Variants in THOC7 observed in about 807,000 individuals in gnomAD.
The protein encoded by THOC7 is NIF3L1-binding protein 1.
THOC7 carries 22 observed loss-of-function variants against 33.1 expected under a neutral mutation model. That is an observed-to-expected ratio of 0.66 (90% CI 0.47 to 0.95). THOC7 has a LOEUF of 0.95. Among genes scored for constraint, THOC7 ranks in the 40% least tolerant of loss-of-function variants. THOC7 has a pLI of 0.00. For synonymous variants in THOC7, 77 were observed against 76.8 expected, an observed-to-expected ratio of 1.00 and a Z score of -0.01; for missense variants, 184 against 245.3, an observed-to-expected ratio of 0.75 and a Z score of 1.67.
chr3:63,856,963 C>A (rs1333304746), intron 1 of THOC7, among the ~76,000 whole-genome samples: 1 of 152,182 alleles, frequency 6.6e-6, no homozygotes, highest in Non-Finnish European at 1.5e-5. Flanking sequence ...CGTGACCTAC[C>A]CGCCTCGGCC....
intron 1 of THOC7, among the ~76,000 whole-genome samples, chr3:63,859,109 G>A (rs1210424297): frequency 6.6e-6 from 1 of 152,182 alleles, no homozygotes; most frequent in Non-Finnish European, 1.5e-5. Context: ...GATATCAAGA[G>A]CATCCACTTC....
upstream of THOC7, chr3:63,864,413 T>TGGCGCCC (rs1229457748): frequency 6.6e-6 from 1 of 151,880 alleles, no homozygotes; most frequent in African/African-American, 2.4e-5. Context: ...CCCGCGAAGT[T>TGGCGCCC]GGCGCCCACG....
chr3:63,835,012 G>C, intron 7 of THOC7, 142 bp downstream of exon 7: 1 of 729,700 alleles, frequency 1.4e-6, no homozygotes, highest in Non-Finnish European at 2.2e-6. Flanking sequence ...AGTTGAACAT[G>C]AGTACCTTCT....
chr3:63,841,578 A>G (rs1391802279), intron 1 of THOC7, among the ~76,000 whole-genome samples: 1 of 152,190 alleles, frequency 6.6e-6, no homozygotes, highest in Non-Finnish European at 1.5e-5. Context: ...ATATATTGTG[A>G]TAATATCAGA....
intron 1 of THOC7, chr3:63,845,030 CA>C: frequency 2.9e-6 from 2 of 697,524 alleles, no homozygotes; most frequent in South Asian, 1.5e-5. Flanking sequence ...CAGATGACCA[CA>C]AAAGGACCTG....
chr3:63,854,956 C>T (rs1257095955), intron 1 of THOC7, among the ~76,000 whole-genome samples: 2 of 150,178 alleles, frequency 1.3e-5, no homozygotes, highest in African/African-American at 2.5e-5. Flanking sequence ...TGCAGTGAGC[C>T]GAGATCCCGC....
chr3:63,859,802 A>AT (rs923832644), intron 1 of THOC7, among the ~76,000 whole-genome samples: 7 of 152,174 alleles, frequency 4.6e-5, no homozygotes, highest in Admixed American at 3.9e-4. Context: ...TTTCAGCTTG[A>AT]TTTTTTCAAA....
intron 1 of THOC7, among the ~76,000 whole-genome samples, chr3:63,847,323 C>G (rs930907279): frequency 1.1e-4 from 17 of 152,128 alleles, no homozygotes; most frequent in Admixed American, 1.1e-3. Context: ...AGGTTTTAAC[C>G]ATGGCCATTT....
Position 63,838,379 on chromosome 3 carries a change from C to A in THOC7, c.258G>T (p.Lys86Asn). The change falls in exon 3 of 8, where the codon AAG becomes AAT. Residue 86 changes from lysine to asparagine, a missense_variant. Transcript: ENST00000295899. ...AACATTAAGATTCTTTACCTATTTC[C>A]TTGTAAATTTTTTCATAATTTTCCA... Reference protein sequence around the residue: ...REMENYEKIYKEIECSIAGAH... With the variant: ...REMENYEKIYNEIECSIAGAH... 6.6e-7 allele frequency: 1 copy of A among 1,513,526 alleles called. No individual in the cohort carries two copies. The highest frequency in any genetic ancestry group is 9.1e-7 in the Non-Finnish European group (1 of 1,099,692). 93.8% of individuals were successfully genotyped at this position (1,513,526 alleles called of 1,614,324 possible).
chr3:63,838,273 G>A (rs908769762), intron 3 of THOC7, 99 bp downstream of exon 3: 1 of 988,126 alleles, frequency 1.0e-6, no homozygotes, highest in Non-Finnish European at 1.5e-6. Context: ...TACAGTAATT[G>A]TTATTATTCT....
chr3:63,834,000 A>T lies in THOC7; in HGVS notation c.*132T>A. 1.3e-6 allele frequency: 1 copy of T among 764,770 alleles called. No homozygotes were observed. The highest frequency in any genetic ancestry group is 2.0e-6 in the Non-Finnish European group (1 of 487,868). The allele number at this position is 764,770 out of a possible 1,614,324, so 47.4% of individuals were successfully genotyped here. On this transcript the variant is annotated 3_prime_UTR_variant, in exon 8 of 8. Coordinates refer to ENST00000295899, the MANE Select transcript of THOC7 (RefSeq NM_025075.4). ...CTTTGTGAGAGGAAATATGAATGAA[A>T]TACATTCATACTTAAAAACAGAGTA...
At chr3:63,851,416 C>T (rs1575812760) in intron 1 of THOC7, among the ~76,000 whole-genome samples, 1 of 152,286 alleles carries the variant, frequency 6.6e-6, no homozygotes, top group South Asian at 2.1e-4. Flanking sequence ...TTGTTTTGGA[C>T]TAAGTTCTTG....
intron 1 of THOC7, among the ~76,000 whole-genome samples, chr3:63,862,086 CG>C (rs1559611695): frequency 8.4e-4 from 128 of 152,138 alleles, no homozygotes; most frequent in African/African-American, 3.0e-3. Flanking sequence ...CCACTGTGCC[CG>C]GCATGTGTGT....
chr3:63,848,231 T>C (rs947240543), intron 1 of THOC7: 1 of 152,198 alleles, frequency 6.6e-6, no homozygotes, highest in Non-Finnish European at 1.5e-5. Context: ...GTCTGGCACC[T>C]TTTTAAGTCT....
At chr3:63,839,817 T>G (rs1257900963) in intron 1 of THOC7, 44 bp from the exon 2 acceptor site, 1 of 1,509,730 alleles carries the variant, frequency 6.6e-7, no homozygotes, top group African/African-American at 1.4e-5. Context: ...TCTTGGTAAC[T>G]TTCAAGTACA....
At chr3:63,851,148 A>G (rs763522006) in intron 1 of THOC7, among the ~76,000 whole-genome samples, 7 of 152,284 alleles carry the variant, frequency 4.6e-5, no homozygotes, top group Non-Finnish European at 1.0e-4. Flanking sequence ...GGTGTACTGT[A>G]TCTTCTCAAA....
chr3:63,844,292 G>C (rs1200712573), intron 1 of THOC7, among the ~76,000 whole-genome samples: 2 of 152,192 alleles, frequency 1.3e-5, no homozygotes, highest in Non-Finnish European at 2.9e-5. Flanking sequence ...TAATTGTACA[G>C]CAAGGTGACT....
intron 1 of THOC7, among the ~76,000 whole-genome samples, chr3:63,851,912 C>T (rs1210826630): frequency 1.3e-5 from 2 of 152,194 alleles, no homozygotes; most frequent in African/African-American, 4.8e-5. Flanking sequence ...TCAAGTCTGT[C>T]CCTCCCACCA....
intron 1 of THOC7, among the ~76,000 whole-genome samples, chr3:63,851,382 T>A (rs984586411): frequency 2.0e-5 from 3 of 152,176 alleles, no homozygotes; most frequent in Non-Finnish European, 2.9e-5. Context: ...GGGAAAACTG[T>A]CAAATAAAAA....
Sources: gnomAD v4.1 joint callset for allele counts (sites outside exome capture counted in the v4.1 genomes callset) on GRCh38, gnomAD v4.1.1 for gene constraint, MANE v1.5 for transcripts, NCBI Gene and HGNC (gene_info 2026-07-23, HGNC 2026-07-21) for gene names.